Variants in ARHGEF10 observed in about 807,000 individuals in gnomAD.
ARHGEF10 encodes Rho guanine nucleotide exchange factor 10.
ARHGEF10 carries 140 observed loss-of-function variants against 147.4 expected under a neutral mutation model. That is an observed-to-expected ratio of 0.95 (90% CI 0.83 to 1.09). ARHGEF10 has a LOEUF of 1.09. ARHGEF10 is among the 50% of genes least tolerant of loss of function. The pLI, the probability that ARHGEF10 is intolerant of heterozygous loss-of-function variation, is 0.00. For missense variants in ARHGEF10, 2,222 were observed against 1,752.7 expected (o/e 1.27, Z -4.78); for synonymous variants, 902 against 695.8 (o/e 1.30, Z -4.67).
chr8:1,915,709 T>G (rs1379991241), intron 18 of ARHGEF10, among the ~76,000 whole-genome samples: 2 of 152,240 alleles, frequency 1.3e-5, no homozygotes, highest in South Asian at 4.1e-4. Flanking sequence ...TTCTGGGTAT[T>G]CAGTAACACA....
intron 1 of ARHGEF10, among the ~76,000 whole-genome samples, chr8:1,841,866 G>T (rs868086679): frequency 0.015 from 1,642 of 112,382 alleles, 54 homozygotes; most frequent in African/African-American, 0.052. Flanking sequence ...GGGAACTGGG[G>T]CCGCGGCGGG....
intron 3 of ARHGEF10, 148 bp downstream of exon 3, chr8:1,858,263 G>C: frequency 4.0e-6 from 2 of 496,338 alleles, no homozygotes. Flanking sequence ...TCCCCTGGGG[G>C]GTTCCCAGGT....
chr8:1,879,608 A>G (rs1237550877), intron 8 of ARHGEF10, among the ~76,000 whole-genome samples: 1 of 150,902 alleles, frequency 6.6e-6, no homozygotes, highest in Non-Finnish European at 1.5e-5. Flanking sequence ...GCTGGAGGGC[A>G]GTGGCACCAT....
At chr8:1,926,696 T>TAGATGA in intron 23 of ARHGEF10, 1 of 585,216 alleles carries the variant, frequency 1.7e-6, no homozygotes, top group South Asian at 1.9e-5. Context: ...CTAAAACATT[T>TAGATGA]ACCAGATAAA....
At chr8:1,896,163 A>G (rs1809953958) in intron 13 of ARHGEF10, among the ~76,000 whole-genome samples, 170 bp from the exon 14 acceptor site, 1 of 152,156 alleles carries the variant, frequency 6.6e-6, no homozygotes, top group African/African-American at 2.4e-5. Context: ...AACTCCTAAC[A>G]CGCTTGCTTA....
intron 15 of ARHGEF10, among the ~76,000 whole-genome samples, chr8:1,898,837 C>G (rs1000069561): frequency 6.6e-6 from 1 of 152,080 alleles, no homozygotes; most frequent in Non-Finnish European, 1.5e-5. Context: ...ACTGGGGGGC[C>G]GCGGGGCTTG....
intron 11 of ARHGEF10, among the ~76,000 whole-genome samples, chr8:1,888,251 CGAGGAGATG>C (rs1563234215): frequency 1.3e-4 from 8 of 62,356 alleles, no homozygotes; most frequent in South Asian, 1.2e-3. Flanking sequence ...GTGAGGGTTG[CGAGGAGATG>C]CTGAGTGGGG....
intron 23 of ARHGEF10, chr8:1,927,047 G>A (rs753662459): frequency 1.1e-5 from 2 of 183,680 alleles, no homozygotes; most frequent in Non-Finnish European, 2.3e-5. Context: ...CCTCCCAGGC[G>A]TCCTGTGCAG....
intron 22 of ARHGEF10, among the ~76,000 whole-genome samples, 153 bp downstream of exon 22, chr8:1,925,557 A>G (rs1242575693): frequency 1.3e-5 from 2 of 152,214 alleles, no homozygotes; most frequent in Non-Finnish European, 2.9e-5. Flanking sequence ...TTATCTGGAA[A>G]TAAGACTGCT....
At chr8:1,903,256 C>T (rs1810617340) in intron 15 of ARHGEF10, 25 bp from the exon 16 acceptor site, 1 of 1,613,774 alleles carries the variant, frequency 6.2e-7, no homozygotes, top group African/African-American at 1.3e-5. Context: ...GTGGTAACTG[C>T]CCACCTCTCC....
chr8:1,872,139 T>G (rs780176829), intron 7 of ARHGEF10, among the ~76,000 whole-genome samples: 5 of 152,030 alleles, frequency 3.3e-5, no homozygotes, highest in Non-Finnish European at 7.4e-5. Context: ...TTTGTAAAAA[T>G]CATAAGAGGA....
chr8:1,885,524 CTTT>C (rs57467911), intron 10 of ARHGEF10, 74 bp from the exon 11 acceptor site: 2 of 1,058,822 alleles, frequency 1.9e-6, no homozygotes, highest in Admixed American at 3.8e-5. Context: ...ATTTATTTGA[CTTT>C]TTTTTACTGT....
chr8:1,929,319 G>A lies in ARHGEF10; in HGVS notation c.2955G>A (p.Lys985=). Residue 985 remains lysine, a synonymous_variant, in exon 25 of 29, where the codon AAG becomes AAA. Transcript: ENST00000349830. Reference sequence around the variant, plus strand: ...TTTATAAAAGCAGTCAAGGCTCCAAGAAAGTGAGACTTCAGCACTTTTTCA... The same window carrying A: ...TTTATAAAAGCAGTCAAGGCTCCAAAAAAGTGAGACTTCAGCACTTTTTCA... ...ISIYKSSQGS[K]KVRLQHFFTP... The A allele has an allele frequency of 6.2e-7, 1 of 1,614,112 alleles. No homozygotes were observed. The highest frequency in any genetic ancestry group is 1.1e-5 in the South Asian group (1 of 91,078).
intron 1 of ARHGEF10, among the ~76,000 whole-genome samples, chr8:1,836,056 C>T (rs896955724): frequency 1.1e-4 from 16 of 151,932 alleles, no homozygotes; most frequent in African/African-American, 3.9e-4. Flanking sequence ...TGGCAGGTGC[C>T]TGAAGTCCCA....
chr8:1,864,974 A>G (rs924089339), intron 5 of ARHGEF10, among the ~76,000 whole-genome samples: 1 of 152,254 alleles, frequency 6.6e-6, no homozygotes, highest in African/African-American at 2.4e-5. Context: ...AAATATGTGC[A>G]TTGAAAATAG....
chr8:1,951,930 C>T (rs3779711), intron 27 of ARHGEF10, among the ~76,000 whole-genome samples: 5 of 151,920 alleles, frequency 3.3e-5, no homozygotes, highest in Non-Finnish European at 5.9e-5. Context: ...CACCGTGAGG[C>T]GGGGTCTTCC....
At chr8:1,876,033 T>C (rs995864692) in intron 7 of ARHGEF10, 1 of 164,334 alleles carries the variant, frequency 6.1e-6, no homozygotes, top group African/African-American at 2.4e-5. Flanking sequence ...CTAAAAGTCT[T>C]GTTAGTGTCA....
At chr8:1,940,989 A>G (rs894843746) in intron 26 of ARHGEF10, among the ~76,000 whole-genome samples, 2 of 152,366 alleles carry the variant, frequency 1.3e-5, no homozygotes, top group South Asian at 4.1e-4. Context: ...GCCAAAGGAC[A>G]TCTATAAAAC....
intron 14 of ARHGEF10, among the ~76,000 whole-genome samples, chr8:1,896,880 C>T (rs1290656996): frequency 2.6e-5 from 4 of 152,204 alleles, no homozygotes; most frequent in African/African-American, 9.6e-5. Flanking sequence ...CTGTGTTCCT[C>T]CCAATGCTGA....
Sources: allele counts gnomAD v4.1 joint callset (sites outside exome capture counted in the v4.1 genomes callset), GRCh38; gene constraint gnomAD v4.1.1; transcripts MANE v1.5; gene names NCBI Gene and HGNC (gene_info 2026-07-23, HGNC 2026-07-21).